Variants in NOS1 observed in about 807,000 individuals in gnomAD.
The protein encoded by NOS1 is NOS type I.
NOS1 carries 51 observed loss-of-function variants against 164.5 expected under a neutral mutation model. The ratio of observed to expected loss-of-function variants is 0.31; its 90% CI spans 0.25 to 0.39. The LOEUF (loss-of-function observed/expected upper bound fraction) is 0.39, where lower values mean the gene tolerates loss of function less well. Among genes scored for constraint, NOS1 ranks in the 10% least tolerant of loss-of-function variants. NOS1 has a pLI of 1.00. For synonymous variants in NOS1, 719 were observed against 745.8 expected, an observed-to-expected ratio of 0.96 and a Z score of 0.59; for missense variants, 1,362 against 1,885.6, an observed-to-expected ratio of 0.72 and a Z score of 5.14.
At chr12:117,324,532 C>T (rs1237722060) in intron 2 of NOS1, among the ~76,000 whole-genome samples, 3 of 152,120 alleles carry the variant, frequency 2.0e-5, no homozygotes, top group Non-Finnish European at 4.4e-5. Flanking sequence ...GAGTTTGAGA[C>T]CAGCCTGGGC....
intron 11 of NOS1, among the ~76,000 whole-genome samples, chr12:117,266,614 C>T (rs866765632): frequency 2.6e-5 from 4 of 151,418 alleles, no homozygotes; most frequent in African/African-American, 9.7e-5. Context: ...CTCGGCTCGC[C>T]GCAACCTCTA....
intron 7 of NOS1, among the ~76,000 whole-genome samples, chr12:117,283,273 G>A (rs1873837909): frequency 6.6e-6 from 1 of 151,974 alleles, no homozygotes; most frequent in Non-Finnish European, 1.5e-5. Flanking sequence ...TATTGCCCAG[G>A]CTGGTCTCAA....
At chr12:117,221,245 C>A (rs2135925531) in intron 26 of NOS1, among the ~76,000 whole-genome samples, 1 of 151,796 alleles carries the variant, frequency 6.6e-6, no homozygotes, top group African/African-American at 2.4e-5. Context: ...CTCCGCCTCC[C>A]AGGTTCAAGC....
chr12:117,296,874 C>T (rs1189112593), intron 3 of NOS1, among the ~76,000 whole-genome samples: 1 of 152,150 alleles, frequency 6.6e-6, no homozygotes, highest in Non-Finnish European at 1.5e-5. Context: ...CTTTGTCTGC[C>T]ATGTGAGGAC....
At chr12:117,312,816 C>T (rs1229743409) in intron 2 of NOS1, among the ~76,000 whole-genome samples, 2 of 152,034 alleles carry the variant, frequency 1.3e-5, no homozygotes, top group Non-Finnish European at 2.9e-5. Flanking sequence ...CCTAGTATTC[C>T]AGCCCACTCA....
intron 2 of NOS1, among the ~76,000 whole-genome samples, chr12:117,316,999 G>A (rs886977002): frequency 1.3e-5 from 2 of 152,118 alleles, no homozygotes; most frequent in African/African-American, 4.8e-5. Context: ...TCCTGCCTCA[G>A]CCTCCTGAGT....
At chr12:117,277,785 TC>T (rs1161030330) in intron 9 of NOS1, among the ~76,000 whole-genome samples, 173 bp downstream of exon 9, 4 of 152,048 alleles carry the variant, frequency 2.6e-5, no homozygotes, top group Admixed American at 6.6e-5. Context: ...GTCTTTTTGC[TC>T]CTTGAGGGAA....
intron 3 of NOS1, chr12:117,302,127 A>C (rs1873851977): frequency 2.2e-6 from 1 of 456,562 alleles, no homozygotes; most frequent in Admixed American, 2.3e-5. Context: ...GGTTCAATGA[A>C]GCCATGGACT....
rs1293471065 is a variant in NOS1, at chr12:117,272,015, C to T, written c.1839+370G>A. On this transcript the variant is annotated intron_variant, in intron 10 of 28. Transcript: ENST00000317775. The surrounding 1 kb of genome is among the most constrained non-coding windows in gnomAD (Gnocchi z 4.3). ...GAGTGGAGTGGTAATGAACTTGGAG[C>T]ATGAAGTCAAACCAGACACATTTCC... 3.3e-5 allele frequency among the ~76,000 whole-genome samples: 5 copies of T among 152,078 alleles called. No individual in the cohort carries two copies. Among genetic ancestry groups the T allele is most frequent in the Admixed American group, 2.6e-4 (4 of 15,254 alleles).
Position 117,238,933 on chromosome 12 carries a change from A to G in NOS1, c.3041+3694T>C, listed in dbSNP as rs145743223. ...TCTTCGGAAAATGATGTTTTTAGAC[A>G]CAAGCTTAGAAACCAAGAGACAAGT... is the stretch of plus-strand genomic sequence containing the variant. On this transcript the variant is annotated intron_variant, in intron 20 of 28. Coordinates refer to ENST00000317775, the MANE Select transcript of NOS1 (RefSeq NM_000620.5). Among the ~76,000 whole-genome samples, 55 of 152,358 alleles carry G rather than the reference A, an allele frequency of 3.6e-4. 1 individual carries two copies. The highest frequency in any genetic ancestry group is 3.4e-3 in the Middle Eastern group (1 of 294).
chr12:117,251,775 A>T lies in NOS1; in HGVS notation c.2648+1863T>A, dbSNP rs146579307. On this transcript the variant is annotated intron_variant, in intron 17 of 28. Coordinates refer to ENST00000317775, the MANE Select transcript of NOS1 (RefSeq NM_000620.5). ...GAGACAGGGTTTTGCTCTATCGTCC[A>T]GGCTGGAATGCAGTGGCGCCATCTC... Among the ~76,000 whole-genome samples, 442 of 151,588 alleles carry T rather than the reference A, an allele frequency of 2.9e-3. 2 individuals carry two copies. The highest frequency in any genetic ancestry group is 0.015 in the South Asian group (73 of 4,782).
chr12:117,260,319 T>A, intron 14 of NOS1, 146 bp downstream of exon 14: 1 of 797,320 alleles, frequency 1.3e-6, no homozygotes. Flanking sequence ...CTGAAATTTA[T>A]GCAAATGTGT....
chr12:117,315,448 G>C (rs761535008), intron 2 of NOS1, among the ~76,000 whole-genome samples: 1 of 152,046 alleles, frequency 6.6e-6, no homozygotes, highest in Non-Finnish European at 1.5e-5. Context: ...TCCTGGCCTC[G>C]AGTGATCCAC....
chr12:117,269,464 G>GTTTTTTTTTTT, intron 10 of NOS1, among the ~76,000 whole-genome samples: 1 of 118,422 alleles, frequency 8.4e-6, no homozygotes, highest in African/African-American at 3.6e-5. Context: ...CTGGAGATTT[G>GTTTTTTTTTTT]TTTTTTTTTT....
chr12:117,247,061 G>A lies in NOS1; in HGVS notation c.2823+287C>T, dbSNP rs1438117093. 2.0e-5 allele frequency among the ~76,000 whole-genome samples: 3 copies of A among 152,202 alleles called. No individual in the cohort carries two copies. The East Asian group carries it at 5.8e-4, about 29-fold the overall frequency. ...CTTTGTGTACCTGTACACCAAATGG[G>A]AGTGACGGATGGCTTCCTCCCAGCC... On this transcript the variant is annotated intron_variant, in intron 18 of 28. Coordinates refer to ENST00000317775, the MANE Select transcript of NOS1 (RefSeq NM_000620.5).
At chr12:117,248,981 T>G (rs1870876821) in intron 17 of NOS1, among the ~76,000 whole-genome samples, 1 of 152,238 alleles carries the variant, frequency 6.6e-6, no homozygotes, top group South Asian at 2.1e-4. Context: ...GTTTTTTGGC[T>G]GCATAAATGT....
chr12:117,300,499 G>C (rs1873747352), intron 3 of NOS1, among the ~76,000 whole-genome samples: 1 of 152,122 alleles, frequency 6.6e-6, no homozygotes, highest in African/African-American at 2.4e-5. Flanking sequence ...TGGCCTCTTG[G>C]CTCAGTGACC....
At chr12:117,294,213 C>G (rs1048694721) in intron 3 of NOS1, among the ~76,000 whole-genome samples, 2 of 152,124 alleles carry the variant, frequency 1.3e-5, no homozygotes, top group Non-Finnish European at 1.5e-5. Context: ...AATCCCAGGG[C>G]GGGGATGACA....
chr12:117,356,176 T>C lies in NOS1; in HGVS notation c.-421+5336A>G, dbSNP rs1281000436. 6.6e-6 allele frequency among the ~76,000 whole-genome samples: 1 copy of C among 152,228 alleles called. No homozygotes were observed. The highest frequency in any genetic ancestry group is 1.5e-5 in the Non-Finnish European group (1 of 68,036). Reference sequence around the variant, plus strand: ...TCCTAACAACTCCCTGTAGTACTTATAATCTCTGCTGTATGAATGACATGC... The same window carrying C: ...TCCTAACAACTCCCTGTAGTACTTACAATCTCTGCTGTATGAATGACATGC... On this transcript the variant is annotated intron_variant, in intron 1 of 28. Coordinates refer to ENST00000317775, the MANE Select transcript of NOS1 (RefSeq NM_000620.5). This position sits in a 1 kb window ranked among gnomAD's most constrained non-coding sequence, Gnocchi z 4.2.
Sources: gnomAD v4.1 joint callset for allele counts (sites outside exome capture counted in the v4.1 genomes callset) on GRCh38, gnomAD v4.1.1 for gene constraint, Gnocchi (gnomAD v3.1) non-coding constraint, MANE v1.5 for transcripts, NCBI Gene and HGNC (gene_info 2026-07-23, HGNC 2026-07-21) for gene names.